The following SLCO1A2 variants were observed in gnomAD, a reference collection of about 807,000 sequenced individuals.
The protein encoded by SLCO1A2 is solute carrier organic anion transporter family member 1A2, also known as OATP-1.
In SLCO1A2, 67 loss-of-function variants were observed where a neutral mutation model predicts 69.0. The observed-to-expected ratio is 0.97, with a 90% CI of 0.80 to 1.19. The LOEUF is 1.19. Ranked by LOEUF, SLCO1A2 falls within the 50% of genes most tolerant of loss-of-function variation. SLCO1A2 has a pLI of 0.00. For missense variants in SLCO1A2, 787 were observed against 793.7 expected, an observed-to-expected ratio of 0.99 and a Z score of 0.10; for synonymous variants, 260 against 265.9, an observed-to-expected ratio of 0.98 and a Z score of 0.22.
At chr12:21,409,751 C>T (rs1348253161) in intron 1 of SLCO1A2, among the ~76,000 whole-genome samples, 3 of 152,190 alleles carry the variant, frequency 2.0e-5, no homozygotes, top group Admixed American at 2.0e-4. Flanking sequence ...TCTGAGATCA[C>T]AGTCGTATAT....
Position 21,321,140 on chromosome 12 carries a change from C to T in SLCO1A2, c.61-2217G>A, listed in dbSNP as rs548113602. On this transcript the variant is annotated intron_variant, in intron 2 of 14. Coordinates refer to ENST00000683939, the MANE Select transcript of SLCO1A2 (RefSeq NM_001386879.1). ...ACCATCTTACTTCGTGACTCTCAGT[C>T]ATTTGATACTATTGATCTCTCTTTT... Among the ~76,000 whole-genome samples, 4 of 152,316 alleles carry T rather than the reference C, an allele frequency of 2.6e-5. No homozygotes were observed. In the South Asian group the frequency reaches 8.3e-4, roughly 32 times the overall value.
chr12:21,302,836 C>T (rs111334847), intron 6 of SLCO1A2, among the ~76,000 whole-genome samples: 7,208 of 152,024 alleles, frequency 0.047, 560 homozygotes, highest in African/African-American at 0.16. Flanking sequence ...GGATTACAGG[C>T]GCATACCACC....
At chr12:21,272,183 C>G (rs11045922) in intron 14 of SLCO1A2, among the ~76,000 whole-genome samples, 41,559 of 151,064 alleles carry the variant, frequency 0.28, 7,038 homozygotes, top group African/African-American at 0.48. Context: ...CATAGGTGCT[C>G]GTATTTTGGT....
upstream of SLCO1A2, among the ~76,000 whole-genome samples, chr12:21,335,922 T>C (rs1210197800): frequency 6.6e-6 from 1 of 152,096 alleles, no homozygotes; most frequent in Non-Finnish European, 1.5e-5. Flanking sequence ...GCGAGAGAAG[T>C]ATGTTTCTGT....
intron 2 of SLCO1A2, among the ~76,000 whole-genome samples, chr12:21,364,858 C>T (rs140068396): frequency 0.025 from 3,753 of 152,170 alleles, 181 homozygotes; most frequent in African/African-American, 0.085. Flanking sequence ...AGTACCTCTT[C>T]AAGGAGAACT....
At chr12:21,294,240 A>G (rs973690180) in intron 10 of SLCO1A2, 130 bp from the exon 11 acceptor site, 2 of 678,056 alleles carry the variant, frequency 2.9e-6, no homozygotes, top group Non-Finnish European at 2.4e-6. Flanking sequence ...CCAGTCATCA[A>G]TGTGTGACCT....
chr12:21,363,731 C>T (rs1939132874), intron 2 of SLCO1A2, among the ~76,000 whole-genome samples: 1 of 152,160 alleles, frequency 6.6e-6, no homozygotes, highest in African/African-American at 2.4e-5. Context: ...ATCGATCCTA[C>T]AGAAATACAA....
intron 2 of SLCO1A2, among the ~76,000 whole-genome samples, chr12:21,320,359 A>T (rs1024980180): frequency 1.3e-5 from 2 of 152,110 alleles, no homozygotes; most frequent in African/African-American, 2.4e-5. Context: ...TAATTTGCCT[A>T]TGTCTTTAGA....
intron 2 of SLCO1A2, among the ~76,000 whole-genome samples, chr12:21,357,016 A>G (rs907417235): frequency 6.6e-6 from 1 of 152,206 alleles, no homozygotes; most frequent in African/African-American, 2.4e-5. Context: ...AGTAAAAGAA[A>G]TAATTTCACT....
intron 6 of SLCO1A2, among the ~76,000 whole-genome samples, chr12:21,302,609 A>G (rs955360263): frequency 2.0e-4 from 29 of 148,614 alleles, no homozygotes; most frequent in African/African-American, 6.5e-4. Flanking sequence ...TGGAGTGCTC[A>G]CTGCAACCTC....
At chr12:21,403,360 C>G (rs1487158664) in intron 1 of SLCO1A2, 2 of 152,068 alleles carry the variant, frequency 1.3e-5, no homozygotes, top group Non-Finnish European at 2.9e-5. Context: ...TTATATTTTT[C>G]CAAGTACAAA....
At chr12:21,307,412 G>A (rs11045960) in intron 4 of SLCO1A2, among the ~76,000 whole-genome samples, 16,134 of 152,104 alleles carry the variant, frequency 0.11, 971 homozygotes, top group Non-Finnish European at 0.13. Flanking sequence ...TCTAAAGTTT[G>A]CTCAAAAGAA....
chr12:21,380,601 A>G (rs904884093), intron 1 of SLCO1A2, among the ~76,000 whole-genome samples: 1 of 152,196 alleles, frequency 6.6e-6, no homozygotes, highest in African/African-American at 2.4e-5. Flanking sequence ...CTGAGAATAC[A>G]TTACTGCCAG....
intron 12 of SLCO1A2, among the ~76,000 whole-genome samples, chr12:21,288,321 G>C (rs1051652386): frequency 1.3e-5 from 2 of 151,898 alleles, no homozygotes; most frequent in East Asian, 1.9e-4. Flanking sequence ...CATGCCTGTA[G>C]TCCCCGCTAC....
rs906009618 is a variant in SLCO1A2, at chr12:21,384,835, G to A, written c.-190+10071C>T. 8.1e-5 allele frequency among the ~76,000 whole-genome samples: 12 copies of A among 149,020 alleles called. No homozygotes were observed. In the South Asian group the frequency reaches 1.1e-3, roughly 13 times the overall value. On this transcript the variant is annotated intron_variant, in intron 1 of 15. Coordinates refer to the SLCO1A2 transcript ENST00000307378. The stretch of plus-strand genomic sequence containing the variant: ...GGCTGGAGAGCGGTGGCGCGATCTC[G>A]GCTCACTTCAAGCTCCGCCTTCCAG...
chr12:21,411,077 T>A (rs375060318), intron 1 of SLCO1A2, among the ~76,000 whole-genome samples: 1 of 152,216 alleles, frequency 6.6e-6, no homozygotes, highest in East Asian at 1.9e-4. Flanking sequence ...AAATTCTTGC[T>A]TTTTCAGTAG....
intron 2 of SLCO1A2, among the ~76,000 whole-genome samples, chr12:21,341,656 G>A (rs773090314): frequency 6.6e-6 from 1 of 151,970 alleles, no homozygotes; most frequent in Non-Finnish European, 1.5e-5. Context: ...CTGGAGTCAC[G>A]AAATATTAGT....
At chr12:21,277,075 T>G (rs575510316) in intron 12 of SLCO1A2, among the ~76,000 whole-genome samples, 503 of 152,286 alleles carry the variant, frequency 3.3e-3, no homozygotes, top group Non-Finnish European at 5.7e-3. Context: ...GCTAAGGAAG[T>G]GCTTGTGCCA....
At chr12:21,289,384 G>A (rs564812517) in intron 12 of SLCO1A2, among the ~76,000 whole-genome samples, 4 of 152,168 alleles carry the variant, frequency 2.6e-5, no homozygotes, top group East Asian at 1.9e-4. Flanking sequence ...GTAATGAGAC[G>A]ACAGGGTGGC....
Sources: allele counts gnomAD v4.1 joint callset (sites outside exome capture counted in the v4.1 genomes callset), GRCh38; gene constraint gnomAD v4.1.1; transcripts MANE v1.5; gene names NCBI Gene and HGNC (gene_info 2026-07-23, HGNC 2026-07-21).